Variants in RENBP observed in about 807,000 individuals in gnomAD.
The protein encoded by RENBP is N-acylglucosamine 2-epimerase.
A neutral mutation model predicts 37.8 loss-of-function variants in RENBP; 16 were observed. The ratio of observed to expected loss-of-function variants is 0.42; its 90% CI spans 0.29 to 0.64. The LOEUF (loss-of-function observed/expected upper bound fraction) is 0.64, where lower values mean the gene tolerates loss of function less well. RENBP is among the 30% of genes least tolerant of loss of function. The pLI is 0.19. For synonymous variants in RENBP, 170 were observed against 154.8 expected (o/e 1.10, Z -0.73); for missense variants, 347 against 379.5 (o/e 0.91, Z 0.71).
chrX:153,940,346 T>C (rs1351789034), intron 8 of RENBP, 113 bp from the exon 9 acceptor site: 27 of 955,097 alleles, frequency 2.8e-5, no homozygotes, highest in African/African-American at 3.9e-5. Context: ...CGGGACATCT[T>C]TGGAAGTTCT....
Position 153,935,294 on chromosome X carries a change from C to T in RENBP, c.1276G>A (p.Ala426Thr), listed in dbSNP as rs1557108234. ...TGGAGCGGACTCAGCCTTTATTCCG[C>T]GCCTCGGCAGGCGGGGGTGGGGGCG... ...SPAPTPACRG[A>T]E Residue 426 changes from alanine (A) to threonine (T), a missense_variant, in exon 11 of 11, where the codon GCG becomes ACG. Coordinates refer to ENST00000393700, the MANE Select transcript of RENBP (RefSeq NM_002910.6). The T allele has an allele frequency of 5.7e-6, 5 of 877,684 alleles. No homozygotes were observed. Among genetic ancestry groups the T allele is most frequent in the Non-Finnish European group, 6.0e-6 (4 of 667,765 alleles). 72.3% of individuals were successfully genotyped at this position (877,684 alleles called of 1,213,427 possible).
chrX:153,937,339 G>A (rs2065207949), intron 9 of RENBP, among the ~76,000 whole-genome samples: 1 of 112,251 alleles, frequency 8.9e-6, no homozygotes, highest in Non-Finnish European at 1.9e-5. Context: ...GGAAGGTAAA[G>A]AAGAATTTCC....
Position 153,943,649 on chromosome X carries a change from C to T in RENBP, c.359G>A (p.Arg120Gln), listed in dbSNP as rs139404311. ...PGKKCAFVLTRDGRPVKVQRT... is the reference protein window; with the variant it reads ...PGKKCAFVLTQDGRPVKVQRT... ...CTGCACCTTGACCGGGCGGCCGTCC[C>T]GAGTCAGCACAAAGGCACACTTCTT... Residue 120 changes from arginine (R) to glutamine (Q), a missense_variant, in exon 5 of 11, where the codon CGG (arginine) becomes CAG (glutamine). By Grantham distance (43) the Arg-to-Gln change is conservative. This residue lies in a region of RENBP where 244 missense variants were observed against 279.4 expected (regional missense o/e 0.87). Coordinates refer to ENST00000393700, the MANE Select transcript of RENBP (RefSeq NM_002910.6). 97 of 1,210,093 alleles carry T rather than the reference C, an allele frequency of 8.0e-5. No homozygotes were observed. Among genetic ancestry groups the T allele is most frequent in the African/African-American group, 3.7e-4 (21 of 57,375 alleles).
chrX:153,943,131 C>A, intron 5 of RENBP, 52 bp from the exon 6 acceptor site: 1 of 944,580 alleles, frequency 1.1e-6, no homozygotes, highest in South Asian at 2.5e-5. Flanking sequence ...CATCCTGTGC[C>A]ATCCCCCTGG....
chrX:153,943,092 G>A lies in RENBP; in HGVS notation c.463-13C>T. 9.2e-7 allele frequency: 1 copy of A among 1,082,322 alleles called. No individual in the cohort carries two copies. Among genetic ancestry groups the A allele is most frequent in the Non-Finnish European group, 1.2e-6 (1 of 809,932 alleles). 89.2% of individuals were successfully genotyped at this position (1,082,322 alleles called of 1,213,427 possible). ...CCACCGCTTCCGTCTGGGGGTGCAG[G>A]AGGCAAGGGGAGGCCCAGGCTGAGG... On this transcript the variant is annotated splice_polypyrimidine_tract_variant and intron_variant, in intron 5 of 10. Coordinates refer to ENST00000393700, the MANE Select transcript of RENBP (RefSeq NM_002910.6).
rs2065219960 is a variant in RENBP at position 153,940,112 on chromosome X, G to A, written c.1067C>T (p.Thr356Ile). 1 of 1,211,169 alleles carries A rather than the reference G, an allele frequency of 8.3e-7. No homozygotes were observed. Among genetic ancestry groups the A allele is most frequent in the Non-Finnish European group, 1.1e-6 (1 of 895,291 alleles). ...GGAGGCAGCTCTCACCTGGCGGAAG[G>A]TGTACTCAGCCACTTGGTAGAAGAG... ...LRLFYQVAEY[T>I]FRQFRDPEYG... Residue 356 changes from threonine (T) to isoleucine (I), a missense_variant, in exon 9 of 11, where the codon ACC (threonine) becomes ATC (isoleucine). This residue lies in a region of RENBP where 91 missense variants were observed against 67.7 expected (regional missense o/e 1.34). Transcript: ENST00000393700.
rs782584212 is a variant in RENBP, at chrX:153,944,171, G to A, written c.138-16C>T. ...GAAGAAGCCCCTGTGGGAAGGCAGG[G>A]TTAGCAAAGTCTGGAACGGGCCTTG... On this transcript the variant is annotated splice_polypyrimidine_tract_variant and intron_variant, in intron 2 of 10. Coordinates refer to ENST00000393700, the MANE Select transcript of RENBP (RefSeq NM_002910.6). 2 of 1,204,364 alleles carry A rather than the reference G, an allele frequency of 1.7e-6. No homozygotes were observed. The highest frequency in any genetic ancestry group is 2.2e-6 in the Non-Finnish European group (2 of 891,484).
At chrX:153,937,729 AT>A (rs1174322085) in intron 9 of RENBP, among the ~76,000 whole-genome samples, 1 of 110,313 alleles carries the variant, frequency 9.1e-6, no homozygotes, top group East Asian at 2.8e-4. Flanking sequence ...AGTAGTTGGG[AT>A]TACAGGCACC....
At position 153,940,294 on chromosome X, in the gene RENBP, C is replaced by T. The variant is rs1247232386; in HGVS notation, c.946-61G>A. 2.6e-6 allele frequency: 3 copies of T among 1,173,933 alleles called. No homozygotes were observed. The African/African-American group carries it at 5.3e-5, about 21-fold the overall frequency. On this transcript the variant is annotated intron_variant, in intron 8 of 10. Transcript: ENST00000393700. ...AACTCCCCTCCGCAACTTTCCAGAC[C>T]TGGCTGCGTCTCCATTGGCCCAAGC...
rs782799079 is a variant in RENBP at position 153,935,299 on chromosome X, C to G, written c.1271G>C (p.Arg424Pro). 3.4e-6 allele frequency: 3 copies of G among 872,844 alleles called. No individual in the cohort carries two copies. Among genetic ancestry groups the G allele is most frequent in the Non-Finnish European group, 4.5e-6 (3 of 667,677 alleles). The allele number at this position is 872,844 out of a possible 1,213,427, so 71.9% of individuals were successfully genotyped here. A position where few individuals can be genotyped will look rare whatever the true frequency, so the allele number is the denominator to read the frequency against. ...CGGACTCAGCCTTTATTCCGCGCCTCGGCAGGCGGGGGTGGGGGCGGGGGA... is the reference window on the plus strand; with the variant it reads ...CGGACTCAGCCTTTATTCCGCGCCTGGGCAGGCGGGGGTGGGGGCGGGGGA... ...APSPAPTPAC[R>P]GAE Residue 424 changes from arginine (R) to proline (P), a missense_variant, in exon 11 of 11, where the codon CGA becomes CCA. Transcript: ENST00000393700.
At position 153,944,323 on chromosome X, in the gene RENBP, G is replaced by A; in HGVS notation, c.123C>T (p.His41=). The change falls in exon 2 of 11, where the codon CAC becomes CAT. Residue 41 remains histidine, a synonymous_variant. Coordinates refer to ENST00000393700, the MANE Select transcript of RENBP (RefSeq NM_002910.6). ...RVVAFWMEHS[H]DQEHGGFFTC... ...ACGCCGAGTACCCGTGCTCCTGGTC[G>A]TGGGAGTGCTCCATCCAGAAAGCCA... 6.6e-6 allele frequency: 8 copies of A among 1,210,390 alleles called. No homozygotes were observed. The highest frequency in any genetic ancestry group is 8.9e-6 in the Non-Finnish European group (8 of 894,308).
At chrX:153,943,435 G>T in intron 5 of RENBP, 111 bp downstream of exon 5, 1 of 791,612 alleles carries the variant, frequency 1.3e-6, no homozygotes, top group Non-Finnish European at 1.8e-6. Flanking sequence ...AAGGGGACTT[G>T]GCCCACAGAT....
At chrX:153,942,230 GTTTTT>G in intron 6 of RENBP, 199 bp from the exon 7 acceptor site, 3 of 102,687 alleles carry the variant, frequency 2.9e-5, no homozygotes. Context: ...GCAAGTTGTT[GTTTTT>G]TTTTTTTTTT....
Position 153,941,636 on chromosome X carries a change from C to A in RENBP, c.787G>T (p.Gly263Cys). 8.4e-7 allele frequency: 1 copy of A among 1,192,545 alleles called. No homozygotes were observed. The highest frequency in any genetic ancestry group is 1.1e-6 in the Non-Finnish European group (1 of 888,860). The change falls in exon 8 of 11, where the codon GGC becomes TGC. Residue 263 changes from glycine to cysteine, a missense_variant. This residue lies in a region of RENBP where 244 missense variants were observed against 279.4 expected (regional missense o/e 0.87). Coordinates refer to ENST00000393700, the MANE Select transcript of RENBP (RefSeq NM_002910.6). ...QQNPGHTLEAGWFLLRHCIRK... is the reference protein window; with the variant it reads ...QQNPGHTLEACWFLLRHCIRK... ...ATGCAATGACGGAGCAGAAACCAGC[C>A]GGCTTCCAGCGTGTGGCCTGGTGAG...
At position 153,943,965 on chromosome X, in the gene RENBP, C is replaced by G. The variant is rs781918890; in HGVS notation, c.219G>C (p.Trp73Cys). The change falls in exon 4 of 11, where the codon TGG becomes TGC. Residue 73 changes from tryptophan to cysteine, a missense_variant. Trp to Cys is a radical substitution (Grantham distance 215). Around this residue, in one of 3 missense-constraint regions of RENBP, gnomAD observed 244 missense variants for 279.4 expected, o/e 0.87. Coordinates refer to ENST00000393700, the MANE Select transcript of RENBP (RefSeq NM_002910.6). ...KYVWLQGRQV[W>C]MYCRLYRTFE... ...AAGTGCGGTACAGGCGACAATACAT[C>G]CATACCTGCGGGGTACGGGAGGGAA... The G allele has an allele frequency of 8.3e-7, 1 of 1,200,066 alleles. No individual in the cohort carries two copies. Among genetic ancestry groups the G allele is most frequent in the African/African-American group, 1.7e-5 (1 of 57,151 alleles).
chrX:153,942,810 G>T, intron 6 of RENBP, 45 bp downstream of exon 6: 2 of 1,056,726 alleles, frequency 1.9e-6, no homozygotes, highest in Admixed American at 4.4e-5. Flanking sequence ...GGGAGTGGGG[G>T]AGTGGAAGGC....
chrX:153,937,120 G>A (rs782167250), intron 9 of RENBP: 1 of 115,761 alleles, frequency 8.6e-6, no homozygotes, highest in Non-Finnish European at 1.8e-5. Flanking sequence ...AGGATCGCTT[G>A]AGCCCAGGAG....
At chrX:153,938,770 A>G (rs1327353682) in intron 9 of RENBP, among the ~76,000 whole-genome samples, 1 of 101,830 alleles carries the variant, frequency 9.8e-6, no homozygotes, top group African/African-American at 3.7e-5. Flanking sequence ...AGATCTCAGC[A>G]GCATCTGTAC....
intron 7 of RENBP, 95 bp from the exon 8 acceptor site, chrX:153,941,748 C>T: frequency 1.3e-6 from 1 of 791,707 alleles, no homozygotes; most frequent in Non-Finnish European, 1.8e-6. Context: ...TCTCTGCTCC[C>T]TCCCTAACAA....
Sources: gnomAD v4.1 joint callset for allele counts (sites outside exome capture counted in the v4.1 genomes callset) on GRCh38, gnomAD v4.1.1 for gene constraint, gnomAD v4.1.1 regional missense constraint, MANE v1.5 for transcripts, NCBI Gene and HGNC (gene_info 2026-07-23, HGNC 2026-07-21) for gene names.